Variants in ST18 observed in about 807,000 individuals in gnomAD.
ST18 encodes ST18 C2H2C-type zinc finger transcription factor.
A neutral mutation model predicts 110.0 loss-of-function variants in ST18; 50 were observed. The ratio of observed to expected loss-of-function variants is 0.45; its 90% CI spans 0.36 to 0.58. ST18 has a LOEUF of 0.58. Ranked by LOEUF, ST18 falls within the 20% of genes least tolerant of loss-of-function variation. ST18 has a pLI of 0.00. For synonymous variants in ST18, 461 were observed against 452.4 expected (o/e 1.02, Z -0.24); for missense variants, 1,306 against 1,280.1 (o/e 1.02, Z -0.31).
intron 2 of ST18, among the ~76,000 whole-genome samples, chr8:52,362,527 A>G (rs1020914134): frequency 3.3e-5 from 5 of 152,166 alleles, no homozygotes; most frequent in African/African-American, 1.2e-4. Context: ...ACCTACAAAC[A>G]TAGGATTATT....
intron 16 of ST18, among the ~76,000 whole-genome samples, chr8:52,147,506 C>T (rs553355063): frequency 6.6e-6 from 1 of 152,054 alleles, no homozygotes; most frequent in Non-Finnish European, 1.5e-5. Context: ...CTATTTGAAG[C>T]AAATGTGTTT....
chr8:52,278,299 T>C (rs2095312185), intron 2 of ST18, among the ~76,000 whole-genome samples: 1 of 152,192 alleles, frequency 6.6e-6, no homozygotes, highest in Non-Finnish European at 1.5e-5. Context: ...CTGGGCAATA[T>C]GGAGAGTCAA....
chr8:52,229,303 G>A (rs1037357547), intron 3 of ST18, among the ~76,000 whole-genome samples: 8 of 152,208 alleles, frequency 5.3e-5, no homozygotes, highest in Non-Finnish European at 8.8e-5. Context: ...AGTCTGATAC[G>A]GTCTCACCAG....
intron 8 of ST18, among the ~76,000 whole-genome samples, chr8:52,208,796 C>T (rs1280040793): frequency 1.3e-5 from 2 of 151,930 alleles, no homozygotes; most frequent in Middle Eastern, 3.4e-3. Flanking sequence ...CTAGCCTGGG[C>T]GACACAGTGA....
chr8:52,290,503 G>A (rs550732497), intron 2 of ST18, among the ~76,000 whole-genome samples: 2 of 152,218 alleles, frequency 1.3e-5, no homozygotes, highest in South Asian at 2.1e-4. Flanking sequence ...AAAGGTTGAC[G>A]CATACTTGCC....
At chr8:52,312,876 A>G (rs1480204020) in intron 2 of ST18, among the ~76,000 whole-genome samples, 1 of 152,224 alleles carries the variant, frequency 6.6e-6, no homozygotes, top group Non-Finnish European at 1.5e-5. Context: ...CATTTGTGTC[A>G]AGCTCCAGGG....
chr8:52,395,224 G>T (rs974548455), intron 2 of ST18, among the ~76,000 whole-genome samples: 2 of 152,172 alleles, frequency 1.3e-5, no homozygotes, highest in African/African-American at 4.8e-5. Context: ...TATTCTAAGG[G>T]CAGAGACAGA....
chr8:52,118,993 G>A (rs990815958), intron 23 of ST18, among the ~76,000 whole-genome samples: 2 of 152,168 alleles, frequency 1.3e-5, no homozygotes, highest in Admixed American at 6.5e-5. Context: ...GCAGAGCTGC[G>A]GGGCTGCTGG....
At chr8:52,129,619 C>A (rs1473583381) in intron 22 of ST18, among the ~76,000 whole-genome samples, 2 of 152,108 alleles carry the variant, frequency 1.3e-5, no homozygotes, top group Non-Finnish European at 2.9e-5. Flanking sequence ...AGTATTCCAC[C>A]TTAAAGAGGA....
intron 2 of ST18, among the ~76,000 whole-genome samples, chr8:52,346,617 C>G (rs1170495601): frequency 2.0e-5 from 3 of 152,234 alleles, no homozygotes; most frequent in African/African-American, 7.2e-5. Context: ...ATAAACACAA[C>G]TGCATCAGCC....
chr8:52,250,462 A>AAAAAAAAAAAAAAAAAAT (rs2094207263), intron 2 of ST18, among the ~76,000 whole-genome samples: 1 of 149,432 alleles, frequency 6.7e-6, no homozygotes, highest in Non-Finnish European at 1.5e-5. Flanking sequence ...AAAAAAAAAA[A>AAAAAAAAAAAAAAAAAAT]AAAAAAAAAA....
At chr8:52,165,954 T>G (rs1482938522) in intron 11 of ST18, among the ~76,000 whole-genome samples, 1 of 152,202 alleles carries the variant, frequency 6.6e-6, no homozygotes, top group East Asian at 1.9e-4. Flanking sequence ...TGCCAGTAGA[T>G]AGCTCACAGC....
intron 2 of ST18, among the ~76,000 whole-genome samples, chr8:52,250,643 A>T (rs891461858): frequency 1.4e-5 from 2 of 148,056 alleles, no homozygotes; most frequent in Non-Finnish European, 3.0e-5. Context: ...TCAAAACACC[A>T]TTCATGAAAT....
At chr8:52,346,764 T>C (rs1006497197) in intron 2 of ST18, among the ~76,000 whole-genome samples, 4 of 152,110 alleles carry the variant, frequency 2.6e-5, no homozygotes, top group East Asian at 1.9e-4. Flanking sequence ...CATTTTCAGA[T>C]AGCTGTGGAT....
At chr8:52,328,880 G>A (rs1807770167) in intron 2 of ST18, among the ~76,000 whole-genome samples, 2 of 152,104 alleles carry the variant, frequency 1.3e-5, no homozygotes, top group African/African-American at 4.8e-5. Context: ...GGGGAGGGAT[G>A]TACCACATCT....
chr8:52,297,690 G>A (rs937404501), intron 2 of ST18, among the ~76,000 whole-genome samples: 1 of 152,138 alleles, frequency 6.6e-6, no homozygotes, highest in African/African-American at 2.4e-5. Context: ...AGAAATAATT[G>A]TAACAAACAT....
chr8:52,254,912 C>CT (rs1226768174), intron 2 of ST18, among the ~76,000 whole-genome samples: 1 of 152,176 alleles, frequency 6.6e-6, no homozygotes, highest in East Asian at 1.9e-4. Flanking sequence ...TTGTACCCTC[C>CT]TGTGCTTGCT....
intron 8 of ST18, among the ~76,000 whole-genome samples, chr8:52,201,990 T>C (rs1442190632): frequency 1.3e-5 from 2 of 152,172 alleles, no homozygotes; most frequent in African/African-American, 4.8e-5. Flanking sequence ...TAGAAACGAT[T>C]AAACAGAGTA....
At chr8:52,369,254 C>T (rs1029243482) in intron 2 of ST18, among the ~76,000 whole-genome samples, 3 of 152,166 alleles carry the variant, frequency 2.0e-5, no homozygotes, top group Admixed American at 6.5e-5. Context: ...CAAATGGTCT[C>T]CCAGACTAAA....
Sources: allele counts gnomAD v4.1 joint callset (sites outside exome capture counted in the v4.1 genomes callset), GRCh38; gene constraint gnomAD v4.1.1; transcripts MANE v1.5; gene names NCBI Gene and HGNC (gene_info 2026-07-23, HGNC 2026-07-21).